Variants in HDAC9 observed in about 807,000 individuals in gnomAD.
HDAC9 encodes histone deacetylase 9, also known as MEF-2 interacting transcription repressor (MITR) protein.
Under a neutral mutation model 139.4 loss-of-function variants are expected in HDAC9, and 41 were observed. The observed-to-expected ratio is 0.29, with a 90% CI of 0.23 to 0.38. The LOEUF (loss-of-function observed/expected upper bound fraction) is 0.38. Among genes scored for constraint, HDAC9 ranks in the 10% least tolerant of loss-of-function variants. HDAC9 has a pLI of 1.00. For synonymous variants in HDAC9, 517 were observed against 476.2 expected (o/e 1.09, Z -1.12); for missense variants, 1,147 against 1,297.0 (o/e 0.88, Z 1.78).
chr7:18,829,068 G>T, intron 17 of HDAC9, 93 bp from the exon 18 acceptor site: 1 of 856,792 alleles, frequency 1.2e-6, no homozygotes, highest in South Asian at 1.3e-5. Flanking sequence ...GTGTGTGTGT[G>T]CCTGAGGCAC....
chr7:18,268,781 G>A (rs545316647), intron 2 of HDAC9, among the ~76,000 whole-genome samples: 1 of 152,260 alleles, frequency 6.6e-6, no homozygotes, highest in South Asian at 2.1e-4. Flanking sequence ...GGTATTTACT[G>A]ATGGGCTACT....
At chr7:18,354,634 A>C (rs2128678813) in intron 1 of HDAC9, among the ~76,000 whole-genome samples, 1 of 152,286 alleles carries the variant, frequency 6.6e-6, no homozygotes, top group East Asian at 1.9e-4. Context: ...AGGAACTTAA[A>C]AATCAAACCA....
chr7:18,744,271 C>G (rs570857626), intron 13 of HDAC9, among the ~76,000 whole-genome samples: 2 of 152,134 alleles, frequency 1.3e-5, no homozygotes, highest in African/African-American at 4.8e-5. Context: ...GGATTAGAGG[C>G]GTGAGCCACC....
chr7:18,275,072 T>C (rs1190576347), intron 2 of HDAC9, among the ~76,000 whole-genome samples: 1 of 152,226 alleles, frequency 6.6e-6, no homozygotes, highest in African/African-American at 2.4e-5. Flanking sequence ...CCTTCTAGAA[T>C]GGCCAGACTG....
intron 22 of HDAC9, among the ~76,000 whole-genome samples, chr7:18,913,256 T>G (rs1159615889): frequency 6.6e-6 from 1 of 152,112 alleles, no homozygotes; most frequent in Non-Finnish European, 1.5e-5. Flanking sequence ...GTCTAAAATC[T>G]GTTTGTATTC....
rs924222986 is a variant in HDAC9, at chr7:18,915,192, A to T, written c.2804-20617A>T. ...CACAGTTTTTATTAAGGATCCTAAA[A>T]TCTTCTGTAAGGATATTTTATAAGT... On this transcript the variant is annotated intron_variant, in intron 22 of 25. Transcript: ENST00000686413. 1.2e-4 allele frequency among the ~76,000 whole-genome samples: 19 copies of T among 152,088 alleles called. 1 individual carries two copies. The highest frequency in any genetic ancestry group is 3.3e-4 in the Admixed American group (5 of 15,242).
At chr7:18,108,659 G>C (rs928723029) in intron 1 of HDAC9, among the ~76,000 whole-genome samples, 1 of 142,264 alleles carries the variant, frequency 7.0e-6, no homozygotes, top group Admixed American at 7.5e-5. Flanking sequence ...TCTTGCCCAG[G>C]CTGGAGTGGC....
intron 1 of HDAC9, among the ~76,000 whole-genome samples, chr7:18,295,731 G>T (rs1011851235): frequency 6.6e-6 from 1 of 152,116 alleles, no homozygotes; most frequent in African/African-American, 2.4e-5. Context: ...TAGACCAGTA[G>T]TTCTCAACCG....
At chr7:18,712,520 A>G (rs566290236) in intron 12 of HDAC9, among the ~76,000 whole-genome samples, 2 of 152,226 alleles carry the variant, frequency 1.3e-5, no homozygotes, top group Non-Finnish European at 2.9e-5. Flanking sequence ...ATAAGCAATA[A>G]CAAGCTTAGT....
chr7:18,667,324 G>A (rs879650892), intron 12 of HDAC9: 1 of 984,858 alleles, frequency 1.0e-6, no homozygotes, highest in Non-Finnish European at 1.2e-6. Flanking sequence ...ACAGTAACAG[G>A]ATGAATATTA....
intron 1 of HDAC9, among the ~76,000 whole-genome samples, chr7:18,097,249 T>C (rs1201289620): frequency 6.6e-6 from 1 of 152,192 alleles, no homozygotes; most frequent in Non-Finnish European, 1.5e-5. Flanking sequence ...GATGTTGTTA[T>C]TTGATTTTGT....
intron 14 of HDAC9, among the ~76,000 whole-genome samples, chr7:18,760,593 G>T (rs999913962): frequency 6.6e-6 from 1 of 152,274 alleles, no homozygotes; most frequent in African/African-American, 2.4e-5. Flanking sequence ...AGACAATGCT[G>T]AATGATAGCA....
chr7:18,673,389 C>T (rs1247539521), intron 12 of HDAC9, among the ~76,000 whole-genome samples: 1 of 152,016 alleles, frequency 6.6e-6, no homozygotes, highest in Non-Finnish European at 1.5e-5. Flanking sequence ...AACTAGTAGC[C>T]ACATGTACCT....
intron 17 of HDAC9, among the ~76,000 whole-genome samples, chr7:18,823,799 C>A (rs958865285): frequency 2.0e-5 from 3 of 151,788 alleles, no homozygotes; most frequent in Non-Finnish European, 4.4e-5. Flanking sequence ...GGCAACAGAG[C>A]AAAACCCCAT....
chr7:18,803,322 A>G (rs1458214541), intron 17 of HDAC9, among the ~76,000 whole-genome samples: 1 of 152,138 alleles, frequency 6.6e-6, no homozygotes, highest in Non-Finnish European at 1.5e-5. Context: ...ATAAAAGACT[A>G]GTAGCACTGA....
intron 6 of HDAC9, among the ~76,000 whole-genome samples, chr7:18,614,232 A>G (rs914178572): frequency 6.6e-6 from 1 of 152,122 alleles, no homozygotes; most frequent in Non-Finnish European, 1.5e-5. Context: ...ACTTCAGGCT[A>G]ACATTTCCAA....
At position 18,912,275 on chromosome 7, in the gene HDAC9, C is replaced by T. The variant is rs565481135; in HGVS notation, c.2804-23534C>T. Reference sequence around the variant, plus strand: ...CGAGCTTTAGGGAGTTATTTCCTCTCTTATGTTCACTTTTCTCAGCTGTGA... The same window carrying T: ...CGAGCTTTAGGGAGTTATTTCCTCTTTTATGTTCACTTTTCTCAGCTGTGA... On this transcript the variant is annotated intron_variant, in intron 22 of 25. Coordinates refer to ENST00000686413, the MANE Select transcript of HDAC9 (RefSeq NM_178425.4). Among the ~76,000 whole-genome samples the T allele has an allele frequency of 4.6e-5, 7 of 152,100 alleles. No homozygotes were observed. The South Asian group carries it at 1.2e-3, about 27-fold the overall frequency.
chr7:18,336,597 A>G (rs779481872), intron 1 of HDAC9, among the ~76,000 whole-genome samples: 62 of 151,808 alleles, frequency 4.1e-4, no homozygotes, highest in Non-Finnish European at 8.0e-4. Context: ...GTGAGATTTA[A>G]TTATTATTGC....
At chr7:18,161,678 G>A (rs563947276) in intron 1 of HDAC9, among the ~76,000 whole-genome samples, 2 of 152,188 alleles carry the variant, frequency 1.3e-5, no homozygotes, top group Non-Finnish European at 2.9e-5. Context: ...ATTACTTTGG[G>A]CTGGAACAAG....
Sources: allele counts gnomAD v4.1 joint callset (sites outside exome capture counted in the v4.1 genomes callset), GRCh38; gene constraint gnomAD v4.1.1; transcripts MANE v1.5; gene names NCBI Gene and HGNC (gene_info 2026-07-23, HGNC 2026-07-21).